Variants in NKAIN3 observed in about 807,000 individuals in gnomAD.
The protein encoded by NKAIN3 is sodium/potassium-transporting ATPase subunit beta-1-interacting protein 3.
In NKAIN3, 25 loss-of-function variants were observed where a neutral mutation model predicts 30.2. The observed-to-expected ratio is 0.83, with a 90% CI of 0.60 to 1.16. The LOEUF (loss-of-function observed/expected upper bound fraction) is 1.16, where lower values mean the gene tolerates loss of function less well. NKAIN3 is among the 50% of genes most tolerant of loss of function. The probability of loss-of-function intolerance (pLI) is 0.00; values close to 1 mark genes in which losing one functional copy is unlikely to be tolerated. For synonymous variants in NKAIN3, 91 were observed against 89.6 expected (o/e 1.02, Z -0.09); for missense variants, 225 against 254.1 (o/e 0.89, Z 0.78).
chr8:62,518,366 CA>C (rs1198836818), intron 1 of NKAIN3, among the ~76,000 whole-genome samples: 1 of 151,852 alleles, frequency 6.6e-6, no homozygotes. Context: ...AACAAACAAA[CA>C]AAAAAAGATA....
At chr8:62,703,218 C>A (rs891796504) in intron 3 of NKAIN3, among the ~76,000 whole-genome samples, 1 of 152,092 alleles carries the variant, frequency 6.6e-6, no homozygotes, top group Non-Finnish European at 1.5e-5. Context: ...CCTAAAGCCA[C>A]AGTTAACTAA....
intron 1 of NKAIN3, chr8:62,473,230 T>A (rs1806412110): frequency 6.6e-6 from 1 of 152,232 alleles, no homozygotes; most frequent in Non-Finnish European, 1.5e-5. Context: ...AAAGGATGAT[T>A]TGTAATTGTG....
At position 62,653,926 on chromosome 8, in the gene NKAIN3, G is replaced by T. The variant is rs571492283; in HGVS notation, c.273+64132G>T. On this transcript the variant is annotated intron_variant, in intron 3 of 6. Transcript: ENST00000623646. ...GACAAGCATTTTCTGTGGACTCAAG[G>T]GTTCTAACCATGGTTTTAATCCCTC... 2.7e-4 allele frequency among the ~76,000 whole-genome samples: 41 copies of T among 151,794 alleles called. No individual in the cohort carries two copies. In the South Asian group the frequency reaches 8.5e-3, roughly 32 times the overall value.
At chr8:62,296,107 C>T (rs1018305833) in intron 1 of NKAIN3, among the ~76,000 whole-genome samples, 4 of 152,168 alleles carry the variant, frequency 2.6e-5, no homozygotes, top group African/African-American at 7.2e-5. Flanking sequence ...TGTAATTCCA[C>T]GTGGACCTAA....
chr8:62,586,475 T>C (rs1311108790), intron 2 of NKAIN3, among the ~76,000 whole-genome samples: 1 of 152,164 alleles, frequency 6.6e-6, no homozygotes, highest in African/African-American at 2.4e-5. Context: ...TGTTCATATG[T>C]CTTTTTTTCC....
intron 1 of NKAIN3, among the ~76,000 whole-genome samples, chr8:62,412,923 A>AAC (rs1554528213): frequency 2.1e-4 from 23 of 109,762 alleles, no homozygotes; most frequent in African/African-American, 8.1e-4. Flanking sequence ...AAAAAAAAAC[A>AAC]AAAAAAAAAA....
chr8:62,884,903 A>AT lies in NKAIN3; in HGVS notation c.472-33542dup, dbSNP rs202172305. 2.9e-3 allele frequency among the ~76,000 whole-genome samples: 437 copies of AT among 150,704 alleles called. 8 individuals carry two copies. Among genetic ancestry groups the AT allele is most frequent in the East Asian group, 0.015 (78 of 5,062 alleles). ...GGCTACAGGTGTATCAATGTTATTG[A>AT]TTTTTTTTATTTCTATTCAATAGCT... On this transcript the variant is annotated intron_variant, in intron 4 of 6. Coordinates refer to ENST00000623646, the MANE Select transcript of NKAIN3 (RefSeq NM_001304533.3).
chr8:62,735,128 T>G (rs1247733663), intron 3 of NKAIN3, among the ~76,000 whole-genome samples: 1 of 152,192 alleles, frequency 6.6e-6, no homozygotes, highest in African/African-American at 2.4e-5. Context: ...TTGAGCTTCT[T>G]ATATTTAGAT....
At chr8:62,433,981 A>T (rs1805093809) in intron 1 of NKAIN3, among the ~76,000 whole-genome samples, 1 of 152,124 alleles carries the variant, frequency 6.6e-6, no homozygotes, top group African/African-American at 2.4e-5. Flanking sequence ...TAAGAGCAGC[A>T]GTCAGCTGAG....
intron 4 of NKAIN3, among the ~76,000 whole-genome samples, chr8:62,917,305 C>T (rs1822137921): frequency 1.3e-5 from 2 of 152,164 alleles, no homozygotes; most frequent in Admixed American, 6.5e-5. Context: ...TGTTAAGCTC[C>T]CCAAGTGCTT....
intron 5 of NKAIN3, among the ~76,000 whole-genome samples, chr8:62,937,882 T>C (rs1419168010): frequency 2.6e-5 from 4 of 152,046 alleles, no homozygotes; most frequent in African/African-American, 9.7e-5. Context: ...AGAGTGAGAC[T>C]GGCCTTTCTG....
At chr8:62,293,624 G>C (rs181435340) in intron 1 of NKAIN3, among the ~76,000 whole-genome samples, 1 of 152,302 alleles carries the variant, frequency 6.6e-6, no homozygotes, top group East Asian at 1.9e-4. Flanking sequence ...ACACCCAGCT[G>C]TATGAGGTGT....
chr8:62,986,969 T>A (rs1824212968), downstream of NKAIN3, among the ~76,000 whole-genome samples: 1 of 152,240 alleles, frequency 6.6e-6, no homozygotes, highest in Non-Finnish European at 1.5e-5. Context: ...TTGCCCCTGC[T>A]CTTTCATGCT....
At chr8:62,629,812 T>G (rs1811900126) in intron 3 of NKAIN3, among the ~76,000 whole-genome samples, 1 of 152,276 alleles carries the variant, frequency 6.6e-6, no homozygotes, top group East Asian at 1.9e-4. Flanking sequence ...TTGTTTCTTT[T>G]CATTAAGCAT....
At chr8:62,985,400 C>A (rs1259741567), downstream of NKAIN3, among the ~76,000 whole-genome samples, 1 of 152,154 alleles carries the variant, frequency 6.6e-6, no homozygotes. Flanking sequence ...CATTCTGAAT[C>A]CACCTTCACA....
intron 1 of NKAIN3, among the ~76,000 whole-genome samples, chr8:62,418,301 C>T (rs758018727): frequency 1.3e-5 from 2 of 152,122 alleles, no homozygotes; most frequent in African/African-American, 2.4e-5. Context: ...TAGCTCCTCA[C>T]ACAACTCAGC....
At chr8:62,682,831 C>T (rs946498497) in intron 3 of NKAIN3, among the ~76,000 whole-genome samples, 3 of 152,078 alleles carry the variant, frequency 2.0e-5, no homozygotes, top group Non-Finnish European at 4.4e-5. Context: ...GCAGCAAGCC[C>T]TACCCAAGGA....
rs372117141 is a variant in NKAIN3, at chr8:62,604,862, T to G, written c.273+15068T>G. 3.3e-4 allele frequency among the ~76,000 whole-genome samples: 51 copies of G among 152,288 alleles called. No homozygotes were observed. The South Asian group carries it at 9.7e-3, about 29-fold the overall frequency. ...GTGTTCAACTATATTCATCAAATCA[T>G]TCTTTCATTAAACAAATGATGGCAG... On this transcript the variant is annotated intron_variant, in intron 3 of 6. Coordinates refer to ENST00000623646, the MANE Select transcript of NKAIN3 (RefSeq NM_001304533.3).
intron 1 of NKAIN3, among the ~76,000 whole-genome samples, chr8:62,291,121 T>A (rs1274658606): frequency 6.6e-6 from 1 of 152,210 alleles, no homozygotes; most frequent in Non-Finnish European, 1.5e-5. Context: ...TATTTGATTC[T>A]TCTCTCTTTT....
Sources: allele counts gnomAD v4.1 joint callset (sites outside exome capture counted in the v4.1 genomes callset), GRCh38; gene constraint gnomAD v4.1.1; transcripts MANE v1.5; gene names NCBI Gene and HGNC (gene_info 2026-07-23, HGNC 2026-07-21).